The following TANC2 variants were observed in gnomAD, a reference collection of about 807,000 sequenced individuals.
The protein encoded by TANC2 is tetratricopeptide repeat, ankyrin repeat and coiled-coil containing 2.
A neutral mutation model predicts 210.5 loss-of-function variants in TANC2; 26 were observed. The ratio of observed to expected loss-of-function variants is 0.12; its 90% confidence interval spans 0.09 to 0.17. The LOEUF is 0.17. TANC2 is among the 10% of genes least tolerant of loss of function. TANC2 has a pLI of 1.00. For synonymous variants in TANC2, 931 were observed against 967.1 expected, an observed-to-expected ratio of 0.96 and a Z score of 0.69; for missense variants, 2,129 against 2,608.9, an observed-to-expected ratio of 0.82 and a Z score of 4.01.
At chr17:63,015,586 G>A (rs1212147859) in intron 2 of TANC2, among the ~76,000 whole-genome samples, 1 of 151,164 alleles carries the variant, frequency 6.6e-6, no homozygotes, top group Non-Finnish European at 1.5e-5. Context: ...TTTTGTCCTT[G>A]CGATAGTTTG....
chr17:63,001,840 G>A (rs1217805650), intron 1 of TANC2, among the ~76,000 whole-genome samples: 2 of 152,136 alleles, frequency 1.3e-5, no homozygotes, highest in East Asian at 3.8e-4. Flanking sequence ...AAGCCACTGC[G>A]CCTGGTCAAG....
At chr17:63,364,686 C>G (rs965752511) in intron 14 of TANC2, among the ~76,000 whole-genome samples, 3 of 151,944 alleles carry the variant, frequency 2.0e-5, no homozygotes, top group African/African-American at 4.8e-5. Flanking sequence ...CTTTGGAAAG[C>G]CAAGGTGGGA....
chr17:63,097,182 A>G (rs1488586508), intron 3 of TANC2, among the ~76,000 whole-genome samples: 1 of 151,988 alleles, frequency 6.6e-6, no homozygotes, highest in East Asian at 1.9e-4. Flanking sequence ...CTGGGACTAC[A>G]GGTACATGCC....
At chr17:62,972,184 T>G in intron 1 of TANC2, among the ~76,000 whole-genome samples, 2 of 152,290 alleles carry the variant, frequency 1.3e-5, no homozygotes, top group Admixed American at 1.3e-4. Context: ...TAAAAAATCT[T>G]TATAAATTAT....
intron 8 of TANC2, among the ~76,000 whole-genome samples, chr17:63,246,428 G>A (rs2146119303): frequency 6.6e-6 from 1 of 152,032 alleles, no homozygotes; most frequent in South Asian, 2.1e-4. Context: ...TCAGCTTTAG[G>A]ACATTTTCAT....
intron 2 of TANC2, among the ~76,000 whole-genome samples, chr17:63,021,858 A>G (rs2034361907): frequency 6.6e-6 from 1 of 152,202 alleles, no homozygotes; most frequent in Non-Finnish European, 1.5e-5. Flanking sequence ...AACTTCTTTG[A>G]GATTACATAA....
At chr17:63,336,819 C>T (rs1334202051) in intron 11 of TANC2, among the ~76,000 whole-genome samples, 1 of 152,072 alleles carries the variant, frequency 6.6e-6, no homozygotes, top group Non-Finnish European at 1.5e-5. Flanking sequence ...CAAGAATTCG[C>T]CAAGGAGAAA....
chr17:63,297,451 G>A (rs2044570779), intron 9 of TANC2, among the ~76,000 whole-genome samples: 1 of 152,124 alleles, frequency 6.6e-6, no homozygotes. Context: ...AGGGTGCTAA[G>A]TCTAGGAAAG....
At chr17:63,088,367 T>C (rs1374388196) in intron 3 of TANC2, 2 of 152,226 alleles carry the variant, frequency 1.3e-5, no homozygotes, top group African/African-American at 4.8e-5. Context: ...TAGGCATAGG[T>C]TGAATAACTT....
chr17:63,188,318 C>G (rs1005398401), intron 5 of TANC2, among the ~76,000 whole-genome samples: 7 of 149,054 alleles, frequency 4.7e-5, no homozygotes, highest in African/African-American at 1.7e-4. Flanking sequence ...AAAAAAAAAT[C>G]TGGCTGGGTG....
At chr17:63,387,429 A>C (rs988296178) in intron 15 of TANC2, among the ~76,000 whole-genome samples, 1 of 152,202 alleles carries the variant, frequency 6.6e-6, no homozygotes, top group African/African-American at 2.4e-5. Flanking sequence ...TTTATAACTC[A>C]TAAGTTACTG....
intron 4 of TANC2, among the ~76,000 whole-genome samples, chr17:63,122,376 G>A (rs1452596060): frequency 6.6e-6 from 1 of 152,168 alleles, no homozygotes; most frequent in Non-Finnish European, 1.5e-5. Context: ...ATGTCATTTA[G>A]AAGGAAAGAA....
chr17:63,095,786 T>C (rs1340609672), intron 3 of TANC2, among the ~76,000 whole-genome samples: 1 of 152,172 alleles, frequency 6.6e-6, no homozygotes, highest in Non-Finnish European at 1.5e-5. Flanking sequence ...TCACCAGTAC[T>C]TTAAACATGT....
chr17:63,136,060 T>C (rs1392161629), intron 4 of TANC2, among the ~76,000 whole-genome samples: 1 of 152,214 alleles, frequency 6.6e-6, no homozygotes, highest in African/African-American at 2.4e-5. Context: ...AGAGATGTCA[T>C]TTACAACAGT....
At chr17:63,079,352 A>C (rs568143922) in intron 3 of TANC2, among the ~76,000 whole-genome samples, 1 of 152,268 alleles carries the variant, frequency 6.6e-6, no homozygotes, top group Non-Finnish European at 1.5e-5. Context: ...CTCATTGCTG[A>C]ACTGGTTGTA....
At chr17:63,047,300 C>G (rs1326581509) in intron 2 of TANC2, among the ~76,000 whole-genome samples, 1 of 152,142 alleles carries the variant, frequency 6.6e-6, no homozygotes, top group Non-Finnish European at 1.5e-5. Context: ...TTTATATCTT[C>G]TGACGGGAGA....
intron 2 of TANC2, among the ~76,000 whole-genome samples, chr17:63,015,022 A>G (rs1487657945): frequency 6.6e-6 from 1 of 152,038 alleles, no homozygotes; most frequent in African/African-American, 2.4e-5. Flanking sequence ...TGTTTTTATT[A>G]TTACAGTTTT....
chr17:63,314,307 A>G, intron 9 of TANC2, 81 bp from the exon 10 acceptor site: 2 of 1,519,476 alleles, frequency 1.3e-6, no homozygotes, highest in Non-Finnish European at 1.8e-6. Context: ...AAGTCCCTAA[A>G]CCACACTGCA....
chr17:63,324,853 A>C (rs2045596857), intron 11 of TANC2, among the ~76,000 whole-genome samples: 1 of 152,184 alleles, frequency 6.6e-6, no homozygotes, highest in Admixed American at 6.5e-5. Flanking sequence ...ATGGCACATA[A>C]ATATTTGAAT....
Sources: allele counts gnomAD v4.1 joint callset (sites outside exome capture counted in the v4.1 genomes callset), GRCh38; gene constraint gnomAD v4.1.1; transcripts MANE v1.5; gene names NCBI Gene and HGNC (gene_info 2026-07-23, HGNC 2026-07-21).